The following MBNL2 variants were observed in gnomAD, a reference collection of about 807,000 sequenced individuals.
MBNL2 encodes muscleblind-like protein 2.
MBNL2 carries 17 observed loss-of-function variants against 41.9 expected under a neutral mutation model. That is an observed-to-expected ratio of 0.41 (90% CI 0.28 to 0.61). The LOEUF (loss-of-function observed/expected upper bound fraction) is 0.61, where lower values mean the gene tolerates loss of function less well. MBNL2 is among the 20% of genes least tolerant of loss of function. MBNL2 has a pLI of 0.35. For missense variants in MBNL2, 336 were observed against 505.6 expected, an observed-to-expected ratio of 0.66 and a Z score of 3.22; for synonymous variants, 195 against 182.9, an observed-to-expected ratio of 1.07 and a Z score of -0.53.
chr13:97,251,976 G>A (rs1304106759), intron 1 of MBNL2, among the ~76,000 whole-genome samples: 1 of 147,968 alleles, frequency 6.8e-6, no homozygotes, highest in East Asian at 2.0e-4. Context: ...TCAGCCTCCC[G>A]AGTAGCTGGG....
At chr13:97,365,034 T>C (rs528558996) in intron 7 of MBNL2, 102 bp from the exon 8 acceptor site, 13 of 811,960 alleles carry the variant, frequency 1.6e-5, no homozygotes, top group African/African-American at 8.4e-5. Context: ...ACCCTACTTA[T>C]TTCTGGTTGT....
At chr13:97,209,119 A>C in the MBNL2 span, among the ~76,000 whole-genome samples, 1 of 152,240 alleles carries the variant, frequency 6.6e-6, no homozygotes, top group Non-Finnish European at 1.5e-5. Flanking sequence ...TTGGGTAATT[A>C]TATTTTAAAT....
intron 2 of MBNL2, among the ~76,000 whole-genome samples, chr13:97,293,488 G>T (rs1047445576): frequency 1.3e-5 from 2 of 152,150 alleles, no homozygotes; most frequent in Non-Finnish European, 2.9e-5. Flanking sequence ...TTGAGAAGAT[G>T]CATTTCCTGT....
the MBNL2 span, among the ~76,000 whole-genome samples, chr13:97,216,351 G>A: frequency 1.3e-5 from 2 of 152,076 alleles, no homozygotes; most frequent in Non-Finnish European, 2.9e-5. Flanking sequence ...TTAATGCAAG[G>A]TCTGTACCCT....
intron 1 of MBNL2, among the ~76,000 whole-genome samples, chr13:97,263,499 A>AT (rs2049055521): frequency 3.3e-5 from 5 of 152,234 alleles, no homozygotes; most frequent in Admixed American, 3.3e-4. Flanking sequence ...TTAAAGGACC[A>AT]TTTTTAAAAA....
At chr13:97,154,739 C>T in the MBNL2 span, among the ~76,000 whole-genome samples, 1 of 151,906 alleles carries the variant, frequency 6.6e-6, no homozygotes, top group Non-Finnish European at 1.5e-5. Context: ...TCTAGCAGAA[C>T]TAGACACATA....
chr13:97,170,239 G>A, the MBNL2 span, among the ~76,000 whole-genome samples: 1 of 152,228 alleles, frequency 6.6e-6, no homozygotes, highest in Non-Finnish European at 1.5e-5. Flanking sequence ...GTATATGTGT[G>A]AATGATACTG....
At chr13:97,244,192 A>G (rs1450422350) in intron 1 of MBNL2, among the ~76,000 whole-genome samples, 2 of 152,240 alleles carry the variant, frequency 1.3e-5, no homozygotes, top group Non-Finnish European at 2.9e-5. Flanking sequence ...CTTTAGTCAT[A>G]TTTAATTTCA....
intron 8 of MBNL2, among the ~76,000 whole-genome samples, chr13:97,367,609 G>A: frequency 6.6e-6 from 1 of 152,138 alleles, no homozygotes; most frequent in Admixed American, 6.5e-5. Context: ...TTCCAGCTCT[G>A]CAGATTTCAT....
chr13:97,241,274 A>AGGTG (rs143382633), intron 1 of MBNL2, among the ~76,000 whole-genome samples: 3,447 of 152,202 alleles, frequency 0.023, 47 homozygotes, highest in Middle Eastern at 0.044. Context: ...TTCACAAGTT[A>AGGTG]GGTGTTTGCT....
the MBNL2 span, among the ~76,000 whole-genome samples, chr13:97,181,085 C>CTT: frequency 6.6e-6 from 1 of 151,962 alleles, no homozygotes; most frequent in South Asian, 2.1e-4. Flanking sequence ...CTCTCTCTCT[C>CTT]TCTCTCTCTC....
chr13:97,245,586 C>T (rs1247021141), intron 1 of MBNL2, among the ~76,000 whole-genome samples: 1 of 152,128 alleles, frequency 6.6e-6, no homozygotes, highest in African/African-American at 2.4e-5. Context: ...TTGATTTAGA[C>T]CCTAAGTAAA....
intron 2 of MBNL2, among the ~76,000 whole-genome samples, chr13:97,305,439 T>A (rs566759631): frequency 6.6e-6 from 1 of 152,108 alleles, no homozygotes. Context: ...AATTTTAGAT[T>A]AACTGTTTAA....
At chr13:97,314,916 A>G (rs1010581466) in intron 2 of MBNL2, among the ~76,000 whole-genome samples, 1 of 152,232 alleles carries the variant, frequency 6.6e-6, no homozygotes, top group Non-Finnish European at 1.5e-5. Flanking sequence ...CTCAATATGT[A>G]AAATAGAATG....
At chr13:97,376,039 T>C (rs2064936788) in intron 8 of MBNL2, among the ~76,000 whole-genome samples, 1 of 152,074 alleles carries the variant, frequency 6.6e-6, no homozygotes, top group South Asian at 2.1e-4. Context: ...CATGAGAGGC[T>C]TGGAAACTCA....
the MBNL2 span, among the ~76,000 whole-genome samples, chr13:97,156,798 G>A: frequency 3.9e-5 from 6 of 152,240 alleles, no homozygotes; most frequent in Admixed American, 3.9e-4. Context: ...GGTTACTGTA[G>A]CCTTGTAGTA....
intron 1 of MBNL2, among the ~76,000 whole-genome samples, chr13:97,238,939 A>G (rs1422348329): frequency 6.6e-6 from 1 of 152,168 alleles, no homozygotes; most frequent in African/African-American, 2.4e-5. Flanking sequence ...ACATTAGATA[A>G]ATGTGAAGGA....
At chr13:97,195,664 A>G in the MBNL2 span, among the ~76,000 whole-genome samples, 14 of 152,234 alleles carry the variant, frequency 9.2e-5, no homozygotes, top group Non-Finnish European at 1.9e-4. Context: ...CTAAAATTAT[A>G]CATAATAGCA....
At chr13:97,386,160 G>A (rs1414193004) in intron 8 of MBNL2, among the ~76,000 whole-genome samples, 1 of 152,238 alleles carries the variant, frequency 6.6e-6, no homozygotes, top group African/African-American at 2.4e-5. Flanking sequence ...TAACTCTCCT[G>A]TAAACCTGCT....
Sources: allele counts gnomAD v4.1 joint callset (sites outside exome capture counted in the v4.1 genomes callset), GRCh38; gene constraint gnomAD v4.1.1; transcripts MANE v1.5; gene names NCBI Gene and HGNC (gene_info 2026-07-23, HGNC 2026-07-21).